Variants in RSU1 observed in about 807,000 individuals in gnomAD.
RSU1 encodes Ras suppressor protein 1.
RSU1 carries 26 observed loss-of-function variants against 31.1 expected under a neutral mutation model. The observed-to-expected ratio is 0.84, with a 90% CI of 0.61 to 1.16. The LOEUF (loss-of-function observed/expected upper bound fraction) is 1.16, where lower values mean the gene tolerates loss of function less well. Ranked by LOEUF, RSU1 falls within the 50% of genes most tolerant of loss-of-function variation. RSU1 has a pLI of 0.00. For missense variants in RSU1, 320 were observed against 339.1 expected (o/e 0.94, Z 0.44); for synonymous variants, 164 against 136.3 (o/e 1.20, Z -1.41).
intron 8 of RSU1, among the ~76,000 whole-genome samples, chr10:16,651,724 T>G (rs1428761315): frequency 6.6e-6 from 1 of 152,182 alleles, no homozygotes; most frequent in Non-Finnish European, 1.5e-5. Flanking sequence ...ATTCAAAGAA[T>G]AAAAATTGAA....
At chr10:16,801,448 C>T (rs1303905195) in intron 2 of RSU1, among the ~76,000 whole-genome samples, 2 of 152,102 alleles carry the variant, frequency 1.3e-5, no homozygotes, top group Non-Finnish European at 2.9e-5. Context: ...TACTTGGAGA[C>T]GTCAAGACTC....
intron 8 of RSU1, among the ~76,000 whole-genome samples, chr10:16,633,210 T>C (rs1330320001): frequency 6.6e-6 from 1 of 151,560 alleles, no homozygotes; most frequent in Non-Finnish European, 1.5e-5. Context: ...CCAGCGGGAG[T>C]GGGGGTGTGT....
In RSU1 at chr10:16,815,861, A is replaced by C. The variant is rs113667087; in HGVS notation, c.109+1112T>G. 3.6e-3 allele frequency among the ~76,000 whole-genome samples: 554 copies of C among 152,302 alleles called. 7 individuals carry two copies. The highest frequency in any genetic ancestry group is 0.013 in the African/African-American group (524 of 41,552). On this transcript the variant is annotated intron_variant, in intron 2 of 8. Coordinates refer to ENST00000345264, the MANE Select transcript of RSU1 (RefSeq NM_012425.4). The stretch of plus-strand genomic sequence containing the variant: ...GATTTCAGGTGCAAACGACTGAGAA[A>C]GAGGGAAAACAGAATTTGTAAAGGC...
intron 2 of RSU1, among the ~76,000 whole-genome samples, chr10:16,807,741 A>G (rs538277689): frequency 2.6e-5 from 4 of 152,318 alleles, no homozygotes; most frequent in African/African-American, 4.8e-5. Flanking sequence ...AAGAATTCTG[A>G]GACGAGGTAC....
rs190869072 is a variant in RSU1, at chr10:16,796,690, T to C, written c.110-14606A>G. Among the ~76,000 whole-genome samples the C allele has an allele frequency of 3.2e-4, 49 of 152,140 alleles. No individual in the cohort carries two copies. In the East Asian group the frequency reaches 9.5e-3, roughly 29 times the overall value. ...TATCCTTCATTTGAGGAGAAGCTTA[T>C]TTTTCCCACTGTACCAAGGAGGAAA... On this transcript the variant is annotated intron_variant, in intron 2 of 8. Transcript: ENST00000345264.
chr10:16,602,210 A>G (rs1441104804), intron 8 of RSU1, among the ~76,000 whole-genome samples: 1 of 152,180 alleles, frequency 6.6e-6, no homozygotes, highest in African/African-American at 2.4e-5. Context: ...TACGGGATGT[A>G]TCAGGATCTC....
At chr10:16,603,220 T>C (rs922916960) in intron 8 of RSU1, among the ~76,000 whole-genome samples, 1 of 152,134 alleles carries the variant, frequency 6.6e-6, no homozygotes, top group Non-Finnish European at 1.5e-5. Context: ...CAACGAAATG[T>C]GTAGTTGGCT....
intron 3 of RSU1, among the ~76,000 whole-genome samples, chr10:16,777,315 T>C (rs190584890): frequency 1.3e-3 from 203 of 151,794 alleles, no homozygotes; most frequent in African/African-American, 4.7e-3. Flanking sequence ...GAAAGCAGTA[T>C]AATTCTTTCA....
chr10:16,748,833 C>G (rs1190347914), intron 7 of RSU1, among the ~76,000 whole-genome samples: 1 of 152,100 alleles, frequency 6.6e-6, no homozygotes. Context: ...TCTGATTACC[C>G]GTTCCCCAGC....
At chr10:16,727,584 G>A (rs909529938) in intron 7 of RSU1, among the ~76,000 whole-genome samples, 5 of 152,126 alleles carry the variant, frequency 3.3e-5, no homozygotes, top group African/African-American at 9.7e-5. Flanking sequence ...TGTTTTTGGC[G>A]CAAGTTCTGG....
At chr10:16,608,986 T>C (rs1420694624) in intron 8 of RSU1, among the ~76,000 whole-genome samples, 2 of 152,048 alleles carry the variant, frequency 1.3e-5, no homozygotes, top group South Asian at 2.1e-4. Flanking sequence ...GTGTGCATCA[T>C]CATGTCTGGC....
chr10:16,605,363 T>C (rs145148020), intron 8 of RSU1, among the ~76,000 whole-genome samples: 410 of 152,312 alleles, frequency 2.7e-3, no homozygotes, highest in African/African-American at 9.6e-3. Flanking sequence ...CAGAACCTTA[T>C]CTGTCTTGTT....
intron 8 of RSU1, among the ~76,000 whole-genome samples, chr10:16,674,019 C>T (rs1835172480): frequency 6.6e-6 from 1 of 152,126 alleles, no homozygotes; most frequent in African/African-American, 2.4e-5. Context: ...TCCTGAGGCT[C>T]TCAGCAGCCA....
chr10:16,711,190 G>A (rs1836011201), intron 7 of RSU1, among the ~76,000 whole-genome samples: 2 of 151,998 alleles, frequency 1.3e-5, no homozygotes, highest in South Asian at 4.1e-4. Flanking sequence ...TATCAAATTT[G>A]TTGGCATATA....
chr10:16,610,844 C>G (rs1424994422), intron 8 of RSU1, among the ~76,000 whole-genome samples: 1 of 152,178 alleles, frequency 6.6e-6, no homozygotes, highest in African/African-American at 2.4e-5. Context: ...AGGCTGGAAA[C>G]TGCTGGTTTC....
At chr10:16,638,019 G>C (rs957806234) in intron 8 of RSU1, among the ~76,000 whole-genome samples, 1 of 152,154 alleles carries the variant, frequency 6.6e-6, no homozygotes, top group African/African-American at 2.4e-5. Flanking sequence ...TTTCCAGCTT[G>C]TAAATCACCT....
At chr10:16,806,186 G>C (rs753220567) in intron 2 of RSU1, among the ~76,000 whole-genome samples, 2 of 152,160 alleles carry the variant, frequency 1.3e-5, no homozygotes, top group Non-Finnish European at 2.9e-5. Context: ...GATAAACATA[G>C]GTAGTGTCCC....
chr10:16,704,760 G>C (rs1835860807), intron 7 of RSU1, among the ~76,000 whole-genome samples: 1 of 152,004 alleles, frequency 6.6e-6, no homozygotes, highest in African/African-American at 2.4e-5. Flanking sequence ...TTTTTGATTA[G>C]TTTTTTTGGT....
intron 7 of RSU1, among the ~76,000 whole-genome samples, chr10:16,733,600 T>A (rs1011341275): frequency 2.0e-5 from 3 of 152,172 alleles, no homozygotes; most frequent in African/African-American, 4.8e-5. Flanking sequence ...ACTCTCATAG[T>A]CTGAAGCAAC....
Sources: allele counts gnomAD v4.1 joint callset (sites outside exome capture counted in the v4.1 genomes callset), GRCh38; gene constraint gnomAD v4.1.1; transcripts MANE v1.5; gene names NCBI Gene and HGNC (gene_info 2026-07-23, HGNC 2026-07-21).